The following GALNTL6 variants were observed in gnomAD, a reference collection of about 807,000 sequenced individuals.
GALNTL6 encodes the protein polypeptide N-acetylgalactosaminyltransferase-like 6.
A neutral mutation model predicts 73.7 loss-of-function variants in GALNTL6; 46 were observed. That is an observed-to-expected ratio of 0.62 (90% CI 0.49 to 0.80). The LOEUF is 0.80. Among genes scored for constraint, GALNTL6 ranks in the 30% least tolerant of loss-of-function variants. The pLI, the probability that GALNTL6 is intolerant of heterozygous loss-of-function variation, is 0.00. For synonymous variants in GALNTL6, 259 were observed against 263.7 expected (o/e 0.98, Z 0.17); for missense variants, 604 against 755.0 (o/e 0.80, Z 2.34).
intron 5 of GALNTL6, among the ~76,000 whole-genome samples, chr4:172,481,454 T>G (rs1326421198): frequency 1.1e-4 from 16 of 152,200 alleles, no homozygotes. Context: ...CAGCCTGCTT[T>G]TAGTCCCTTA....
chr4:171,938,743 G>A (rs542038031), intron 2 of GALNTL6, among the ~76,000 whole-genome samples: 14 of 152,088 alleles, frequency 9.2e-5, no homozygotes, highest in Admixed American at 1.3e-4. Context: ...TCCAATCACC[G>A]TGAAAGAAGC....
intron 10 of GALNTL6, among the ~76,000 whole-genome samples, chr4:172,997,079 C>T (rs191495746): frequency 8.3e-4 from 126 of 152,252 alleles, no homozygotes; most frequent in Non-Finnish European, 1.2e-3. Context: ...TTTCTAACTC[C>T]ACTTCAGTGT....
rs932397313 is a variant in GALNTL6, at chr4:172,273,025, C to A, written c.248-38589C>A. Among the ~76,000 whole-genome samples, 8 of 141,144 alleles carry A rather than the reference C, an allele frequency of 5.7e-5. No individual in the cohort carries two copies. In the East Asian group the frequency reaches 1.7e-3, roughly 29 times the overall value. 92.6% of individuals were successfully genotyped at this position (141,144 alleles called of 152,430 possible). On this transcript the variant is annotated intron_variant, in intron 3 of 12. Coordinates refer to ENST00000506823, the MANE Select transcript of GALNTL6 (RefSeq NM_001034845.3). ...TTTAGGAACACAGAATATCTAAGGA[C>A]TTTTTTGCTTTTATTCTTTATTTAA...
At chr4:172,191,843 T>C (rs1443398593) in intron 2 of GALNTL6, among the ~76,000 whole-genome samples, 1 of 152,186 alleles carries the variant, frequency 6.6e-6, no homozygotes, top group East Asian at 1.9e-4. Context: ...TTAAGTGAAG[T>C]CAGAGGTCAT....
At chr4:172,314,972 CT>C (rs888919823) in intron 4 of GALNTL6, among the ~76,000 whole-genome samples, 22 of 151,992 alleles carry the variant, frequency 1.4e-4, no homozygotes, top group African/African-American at 4.4e-4. Flanking sequence ...AAATAAACTG[CT>C]TTTTTTGGCT....
intron 2 of GALNTL6, among the ~76,000 whole-genome samples, chr4:172,097,796 C>A (rs1299109752): frequency 7.2e-5 from 11 of 152,236 alleles, no homozygotes; most frequent in Non-Finnish European, 1.0e-4. Context: ...TGGTCAAATG[C>A]ATTTTTAACT....
At chr4:172,590,249 C>T (rs928501455) in intron 5 of GALNTL6, among the ~76,000 whole-genome samples, 2 of 152,054 alleles carry the variant, frequency 1.3e-5, no homozygotes, top group African/African-American at 2.4e-5. Context: ...TCAATCTAAA[C>T]CTTTTGGACA....
intron 5 of GALNTL6, among the ~76,000 whole-genome samples, chr4:172,786,319 T>C (rs945184626): frequency 6.6e-6 from 1 of 152,204 alleles, no homozygotes; most frequent in Admixed American, 6.5e-5. Flanking sequence ...TTGCAAAATA[T>C]AAGTTTTGGT....
At chr4:172,112,875 A>G (rs1732892266) in intron 2 of GALNTL6, among the ~76,000 whole-genome samples, 1 of 151,910 alleles carries the variant, frequency 6.6e-6, no homozygotes, top group African/African-American at 2.4e-5. Context: ...CTGTGCATGA[A>G]TTGGGAAGTG....
intron 5 of GALNTL6, among the ~76,000 whole-genome samples, chr4:172,429,175 A>ATTTTATTTTATTTTATTTTATT (rs1554023237): frequency 5.3e-4 from 7 of 13,302 alleles, no homozygotes; most frequent in South Asian, 3.9e-3. Flanking sequence ...ATTTTGTTTT[A>ATTTTATTTTATTTTATTTTATT]TTATTTTATT....
chr4:171,933,855 C>G (rs332982), intron 2 of GALNTL6, among the ~76,000 whole-genome samples: 56 of 152,076 alleles, frequency 3.7e-4, no homozygotes, highest in Admixed American at 1.2e-3. Context: ...CAAGATTAGA[C>G]AGCATTTAGA....
At chr4:172,063,037 C>T (rs1256326128) in intron 2 of GALNTL6, among the ~76,000 whole-genome samples, 2 of 152,188 alleles carry the variant, frequency 1.3e-5, no homozygotes, top group Non-Finnish European at 2.9e-5. Context: ...TCCTGCCTAC[C>T]AGCTGTTGGC....
chr4:171,874,432 T>G (rs1006861070), intron 2 of GALNTL6, among the ~76,000 whole-genome samples: 2 of 152,112 alleles, frequency 1.3e-5, no homozygotes, highest in Non-Finnish European at 2.9e-5. Context: ...TCAAATGACC[T>G]GTCCATCTCG....
At chr4:171,940,838 A>AATAT (rs1738514049) in intron 2 of GALNTL6, among the ~76,000 whole-genome samples, 1 of 132,410 alleles carries the variant, frequency 7.6e-6, no homozygotes, top group East Asian at 2.1e-4. Flanking sequence ...TAAATAAATA[A>AATAT]ATAAATAAAT....
intron 2 of GALNTL6, among the ~76,000 whole-genome samples, chr4:171,950,178 C>T (rs769691695): frequency 1.3e-5 from 2 of 152,100 alleles, no homozygotes; most frequent in Non-Finnish European, 2.9e-5. Context: ...TAACAGTCAA[C>T]TTAGAATTGT....
At chr4:172,053,732 GGT>G (rs1730943598) in intron 2 of GALNTL6, among the ~76,000 whole-genome samples, 1 of 152,076 alleles carries the variant, frequency 6.6e-6, no homozygotes, top group South Asian at 2.1e-4. Flanking sequence ...CTATGTGTAT[GGT>G]GTGTATGTAT....
intron 2 of GALNTL6, among the ~76,000 whole-genome samples, chr4:172,209,647 C>T (rs980036579): frequency 2.6e-5 from 4 of 152,032 alleles, no homozygotes; most frequent in Non-Finnish European, 4.4e-5. Flanking sequence ...TTCACTTTCT[C>T]ATTTTTTGTA....
chr4:171,915,440 T>C (rs1737589834), intron 2 of GALNTL6, among the ~76,000 whole-genome samples: 1 of 152,154 alleles, frequency 6.6e-6, no homozygotes, highest in Admixed American at 6.5e-5. Flanking sequence ...TCTGACTATA[T>C]GATACTAAAA....
chr4:172,115,390 A>T (rs1732959358), intron 2 of GALNTL6, among the ~76,000 whole-genome samples: 2 of 152,188 alleles, frequency 1.3e-5, no homozygotes, highest in South Asian at 4.1e-4. Flanking sequence ...AGTTGGAAGT[A>T]CATATAAAAT....
Sources: allele counts gnomAD v4.1 joint callset (sites outside exome capture counted in the v4.1 genomes callset), GRCh38; gene constraint gnomAD v4.1.1; transcripts MANE v1.5; gene names NCBI Gene and HGNC (gene_info 2026-07-23, HGNC 2026-07-21).